ADAM2: variants seen among roughly 807,000 people sequenced by gnomAD.
ADAM2 encodes the protein disintegrin and metalloproteinase domain-containing protein 2.
Under a neutral mutation model 99.3 loss-of-function variants are expected in ADAM2, and 101 were observed. That is an observed-to-expected ratio of 1.02 (90% CI 0.87 to 1.20). The LOEUF (loss-of-function observed/expected upper bound fraction) is 1.20. Among genes scored for constraint, ADAM2 ranks in the 50% most tolerant of loss-of-function variants. The probability of loss-of-function intolerance (pLI) is 0.00; values close to 1 mark genes in which losing one functional copy is unlikely to be tolerated. For synonymous variants in ADAM2, 323 were observed against 287.6 expected (o/e 1.12, Z -1.25); for missense variants, 948 against 878.7 (o/e 1.08, Z -1.00).
chr8:39,774,311 G>T (rs1418968673), intron 11 of ADAM2, among the ~76,000 whole-genome samples: 1 of 151,856 alleles, frequency 6.6e-6, no homozygotes, highest in African/African-American at 2.4e-5. Flanking sequence ...GAGGCCCTAA[G>T]CACTGCGATA....
rs1395170461 is a variant in ADAM2, at chr8:39,749,723, C to A, written c.1819G>T (p.Val607Leu). Residue 607 changes from valine to leucine, a missense_variant, in exon 17 of 21, where the codon GTG becomes TTG. Physicochemically the swap from Val to Leu is conservative, Grantham distance 32. Transcript: ENST00000265708. ...TCATAACCCAAGTATGAAGAACTCA[C>A]ACATCTTTGATTCCTGCAAACCTAA... The part of the protein sequence containing the change: ...SNKVCRNQRC[V>L]SSSYLGYDCT... 1 of 1,612,140 alleles carries A rather than the reference C, an allele frequency of 6.2e-7. No homozygotes were observed. Among genetic ancestry groups the A allele is most frequent in the African/African-American group, 1.3e-5 (1 of 74,796 alleles).
At chr8:39,773,748 C>T (rs368923565) in intron 11 of ADAM2, among the ~76,000 whole-genome samples, 18 of 151,896 alleles carry the variant, frequency 1.2e-4, no homozygotes, top group Middle Eastern at 3.4e-3. Flanking sequence ...TATCCAGTTC[C>T]GGACAGCTTC....
At chr8:39,783,742 G>A (rs1803331583) in intron 10 of ADAM2, among the ~76,000 whole-genome samples, 1 of 152,062 alleles carries the variant, frequency 6.6e-6, no homozygotes, top group South Asian at 2.1e-4. Context: ...ACAAGGTCAG[G>A]AGATCGAGAC....
chr8:39,775,724 C>T (rs2129584583), intron 11 of ADAM2, among the ~76,000 whole-genome samples: 1 of 152,212 alleles, frequency 6.6e-6, no homozygotes. Context: ...ATGTAGGTGA[C>T]ATGAAGATCT....
chr8:39,789,059 G>C (rs989203161), intron 7 of ADAM2, among the ~76,000 whole-genome samples: 4 of 151,504 alleles, frequency 2.6e-5, no homozygotes, highest in Admixed American at 2.6e-4. Flanking sequence ...GGAATGTTTA[G>C]ATGTGTGTAT....
chr8:39,755,859 G>T lies in ADAM2; in HGVS notation c.1666C>A (p.Gln556Lys), dbSNP rs1372700414. ...TAAATAATAGTGGCTCTTGGAATTT[G>T]TAATAAAAATTTACCTACATATTTA... ...ICKYVGKFLL[Q>K]IPRATIIYAN... Residue 556 changes from glutamine to lysine, a missense_variant, in exon 16 of 21, where the codon CAA (glutamine) becomes AAA (lysine). Gln to Lys is a moderately conservative substitution (Grantham distance 53). Transcript: ENST00000265708. The T allele has an allele frequency of 1.3e-6, 2 of 1,594,352 alleles. No homozygotes were observed. The highest frequency in any genetic ancestry group is 1.3e-5 in the African/African-American group (1 of 74,496).
chr8:39,804,046 T>A (rs1158186516), intron 7 of ADAM2, among the ~76,000 whole-genome samples: 1 of 152,072 alleles, frequency 6.6e-6, no homozygotes, highest in African/African-American at 2.4e-5. Context: ...GAAAACAGAG[T>A]GCATGATTAA....
chr8:39,777,778 A>C (rs1469970355), intron 10 of ADAM2, among the ~76,000 whole-genome samples: 1 of 151,834 alleles, frequency 6.6e-6, no homozygotes, highest in Non-Finnish European at 1.5e-5. Flanking sequence ...CCTGTACCAA[A>C]ACATCACATC....
At chr8:39,815,376 T>C (rs1387056526) in intron 6 of ADAM2, among the ~76,000 whole-genome samples, 2 of 152,186 alleles carry the variant, frequency 1.3e-5, no homozygotes, top group Non-Finnish European at 2.9e-5. Flanking sequence ...TTTAGAATTA[T>C]AAGGATGGAA....
chr8:39,802,808 C>T (rs1285527396), intron 7 of ADAM2, among the ~76,000 whole-genome samples: 2 of 152,114 alleles, frequency 1.3e-5, no homozygotes, highest in Admixed American at 6.5e-5. Flanking sequence ...CAACTAACTG[C>T]CCTCTGAACT....
intron 10 of ADAM2, among the ~76,000 whole-genome samples, chr8:39,782,681 T>C (rs1803280126): frequency 1.3e-5 from 2 of 152,164 alleles, no homozygotes; most frequent in Non-Finnish European, 2.9e-5. Flanking sequence ...CCGTCTTATA[T>C]GTGTAATGTC....
chr8:39,796,917 G>A (rs887640945), intron 7 of ADAM2, among the ~76,000 whole-genome samples: 1 of 151,916 alleles, frequency 6.6e-6, no homozygotes. Flanking sequence ...ATATGTTTAA[G>A]TTCCTTGTAA....
At chr8:39,791,807 T>C (rs965520802) in intron 7 of ADAM2, among the ~76,000 whole-genome samples, 1 of 152,056 alleles carries the variant, frequency 6.6e-6, no homozygotes, top group Non-Finnish European at 1.5e-5. Context: ...TTGTTTCTTA[T>C]CTTATATGCA....
At chr8:39,787,733 C>A (rs1286400264) in intron 9 of ADAM2, among the ~76,000 whole-genome samples, 1 of 151,484 alleles carries the variant, frequency 6.6e-6, no homozygotes, top group South Asian at 2.1e-4. Flanking sequence ...TAATTTACAA[C>A]AACAAATCAT....
intron 14 of ADAM2, among the ~76,000 whole-genome samples, chr8:39,766,431 G>T: frequency 6.7e-6 from 1 of 150,000 alleles, no homozygotes. Context: ...TTTTCTGACA[G>T]TATTCTCTTT....
chr8:39,809,565 A>G, intron 6 of ADAM2, 99 bp from the exon 7 acceptor site: 2 of 578,202 alleles, frequency 3.5e-6, no homozygotes, highest in Non-Finnish European at 6.2e-6. Context: ...GAAAAACACA[A>G]TTTTGCATAT....
intron 7 of ADAM2, among the ~76,000 whole-genome samples, chr8:39,791,747 G>A (rs1356518568): frequency 6.6e-6 from 1 of 152,014 alleles, no homozygotes; most frequent in Non-Finnish European, 1.5e-5. Context: ...AAGCTTTAGA[G>A]GTAAAAGATA....
intron 7 of ADAM2, among the ~76,000 whole-genome samples, chr8:39,792,087 T>C: frequency 6.8e-6 from 1 of 147,856 alleles, no homozygotes; most frequent in East Asian, 2.0e-4. Flanking sequence ...CATCTTGGGC[T>C]TTTTTTTTTC....
chr8:39,811,681 T>C (rs1468815236), intron 6 of ADAM2, among the ~76,000 whole-genome samples: 2 of 152,124 alleles, frequency 1.3e-5, no homozygotes, highest in Non-Finnish European at 2.9e-5. Context: ...AAAAACCACA[T>C]GATTATCTCA....
Sources: gnomAD v4.1 joint callset for allele counts (sites outside exome capture counted in the v4.1 genomes callset) on GRCh38, gnomAD v4.1.1 for gene constraint, MANE v1.5 for transcripts, NCBI Gene and HGNC (gene_info 2026-07-23, HGNC 2026-07-21) for gene names.